Variants in ZBTB16 observed in about 807,000 individuals in gnomAD.
ZBTB16 encodes zinc finger and BTB domain-containing protein 16.
Under a neutral mutation model 56.8 loss-of-function variants are expected in ZBTB16, and 8 were observed. The ratio of observed to expected loss-of-function variants is 0.14; its 90% confidence interval spans 0.08 to 0.25. The LOEUF (loss-of-function observed/expected upper bound fraction) is 0.25, where lower values mean the gene tolerates loss of function less well. Ranked by LOEUF, ZBTB16 falls within the 10% of genes least tolerant of loss-of-function variation. ZBTB16 has a pLI of 1.00. For missense variants in ZBTB16, 625 were observed against 903.0 expected (o/e 0.69, Z 3.95); for synonymous variants, 363 against 368.5 (o/e 0.98, Z 0.17).
chr11:114,117,862 A>C (rs948855385), intron 2 of ZBTB16, among the ~76,000 whole-genome samples: 3 of 152,212 alleles, frequency 2.0e-5, no homozygotes, highest in Non-Finnish European at 4.4e-5. Context: ...AGTCCCTTGA[A>C]TAATGTAAAG....
rs775378740 is a variant in ZBTB16, at chr11:114,251,668, G to A, written c.*1113G>A. Among the ~76,000 whole-genome samples, 2 of 152,170 alleles carry A rather than the reference G, an allele frequency of 1.3e-5. No homozygotes were observed. The highest frequency in any genetic ancestry group is 2.9e-5 in the Non-Finnish European group (2 of 68,034). On this transcript the variant is annotated 3_prime_UTR_variant, in exon 7 of 7. Transcript: ENST00000335953. ...ACACTGGGGACCCCAGATGTAGTGA[G>A]CTCAGCAAGAAAAGCCAGGTCCAGA...
chr11:114,100,972 T>C (rs1013277878), intron 2 of ZBTB16, among the ~76,000 whole-genome samples: 1 of 151,636 alleles, frequency 6.6e-6, no homozygotes. Flanking sequence ...CCCCGGGGGG[T>C]TCATGGCCAG....
rs569839358 is a variant in ZBTB16 at position 114,107,675 on chromosome 11, T to A, written c.1268+43107T>A. ...GCAACATTGACTTTTTCTCAATGTG[T>A]GATGTGGAGATATATGCATCTTGGG... On this transcript the variant is annotated intron_variant, in intron 2 of 6. Transcript: ENST00000335953. Among the ~76,000 whole-genome samples the A allele has an allele frequency of 8.7e-4, 133 of 152,270 alleles. 3 individuals are homozygous for A. The South Asian group carries it at 0.023, about 27-fold the overall frequency.
chr11:114,222,387 T>C (rs573903717), intron 4 of ZBTB16, among the ~76,000 whole-genome samples: 1 of 152,254 alleles, frequency 6.6e-6, no homozygotes, highest in East Asian at 1.9e-4. Flanking sequence ...ACACTACGGC[T>C]TGTCTTTCTT....
Position 114,222,848 on chromosome 11 carries a change from G to A in ZBTB16, c.1454-19319G>A, listed in dbSNP as rs1239423801. Among the ~76,000 whole-genome samples the A allele has an allele frequency of 5.3e-5, 8 of 152,120 alleles. No homozygotes were observed. The East Asian group carries it at 5.8e-4, about 11-fold the overall frequency. On this transcript the variant is annotated intron_variant, in intron 4 of 6. Coordinates refer to ENST00000335953, the MANE Select transcript of ZBTB16 (RefSeq NM_006006.6). Reference sequence around the variant, plus strand: ...TATATATCACCGTCTGAGGAGGGACGAAAACCCACCAAGAGTGTGATTTGT... The same window carrying A: ...TATATATCACCGTCTGAGGAGGGACAAAAACCCACCAAGAGTGTGATTTGT...
chr11:114,213,796 G>T (rs1482670110), intron 4 of ZBTB16, among the ~76,000 whole-genome samples: 1 of 152,142 alleles, frequency 6.6e-6, no homozygotes, highest in African/African-American at 2.4e-5. Flanking sequence ...AGGGATTGTT[G>T]TTATCCTGGT....
chr11:114,185,937 A>T (rs906634814), intron 3 of ZBTB16, among the ~76,000 whole-genome samples: 1 of 152,218 alleles, frequency 6.6e-6, no homozygotes, highest in Non-Finnish European at 1.5e-5. Context: ...TTTATTCCAC[A>T]AATATGTATA....
chr11:114,254,623 G>A lies in ZBTB16; in HGVS notation c.*4068G>A, dbSNP rs538698937. Among the ~76,000 whole-genome samples, 15 of 152,210 alleles carry A rather than the reference G, an allele frequency of 9.9e-5. No homozygotes were observed. The South Asian group carries it at 2.1e-3, about 21-fold the overall frequency. On this transcript the variant is annotated 3_prime_UTR_variant, in exon 7 of 7. Coordinates refer to ENST00000335953, the MANE Select transcript of ZBTB16 (RefSeq NM_006006.6). ...CCGAGCTAGGGTGAAAACTGGGGGC[G>A]CACCAGGATGTGAGACAGAAAAGCA...
At chr11:114,181,980 C>T (rs1943260431) in intron 3 of ZBTB16, among the ~76,000 whole-genome samples, 1 of 152,126 alleles carries the variant, frequency 6.6e-6, no homozygotes, top group Non-Finnish European at 1.5e-5. Context: ...CAGCAAGGGC[C>T]TCCCTGACTA....
At chr11:114,137,188 G>A (rs1436169228) in intron 2 of ZBTB16, among the ~76,000 whole-genome samples, 1 of 152,182 alleles carries the variant, frequency 6.6e-6, no homozygotes, top group Non-Finnish European at 1.5e-5. Context: ...GGAGTACATT[G>A]TTCAGGAGAC....
intron 4 of ZBTB16, chr11:114,209,983 T>C (rs1211838309): frequency 3.1e-6 from 3 of 982,906 alleles, no homozygotes; most frequent in Non-Finnish European, 3.6e-6. Context: ...GGAGCAAGAC[T>C]TCAGACAAGT....
At chr11:114,212,028 C>T (rs1041048130) in intron 4 of ZBTB16, among the ~76,000 whole-genome samples, 2 of 152,136 alleles carry the variant, frequency 1.3e-5, no homozygotes, top group African/African-American at 2.4e-5. Flanking sequence ...GACTTGTCAG[C>T]GGTCTGGGGT....
intron 2 of ZBTB16, among the ~76,000 whole-genome samples, chr11:114,148,667 G>A (rs1453191610): frequency 6.6e-6 from 1 of 151,084 alleles, no homozygotes; most frequent in Non-Finnish European, 1.5e-5. Flanking sequence ...CTAATTTTTT[G>A]TATTTTTAGT....
At chr11:114,115,256 G>A (rs1941135930) in intron 2 of ZBTB16, among the ~76,000 whole-genome samples, 1 of 151,238 alleles carries the variant, frequency 6.6e-6, no homozygotes, top group Non-Finnish European at 1.5e-5. Context: ...CTCCAGCATA[G>A]TTTAAAGTGT....
chr11:114,094,509 G>T (rs1392973468), intron 2 of ZBTB16, among the ~76,000 whole-genome samples: 1 of 152,194 alleles, frequency 6.6e-6, no homozygotes, highest in Non-Finnish European at 1.5e-5. Flanking sequence ...TGTTTGGGTG[G>T]CATCCAGCTT....
intron 5 of ZBTB16, among the ~76,000 whole-genome samples, chr11:114,242,805 T>G (rs1270199787): frequency 1.3e-5 from 2 of 152,234 alleles, no homozygotes; most frequent in Non-Finnish European, 2.9e-5. Context: ...AGCTTCGGGC[T>G]TCTGAGGGCA....
chr11:114,242,387 C>A (rs1365899243), intron 5 of ZBTB16, 50 bp downstream of exon 5: 1 of 1,602,758 alleles, frequency 6.2e-7, no homozygotes, highest in Non-Finnish European at 8.5e-7. Flanking sequence ...GAGCCAGCGT[C>A]TATATTTACC....
chr11:114,183,158 G>T (rs1943288369), intron 3 of ZBTB16, among the ~76,000 whole-genome samples: 1 of 152,178 alleles, frequency 6.6e-6, no homozygotes, highest in Non-Finnish European at 1.5e-5. Context: ...CTTCGTGAGT[G>T]GGGGCTAGCA....
chr11:114,166,559 A>C (rs950637221), intron 3 of ZBTB16, among the ~76,000 whole-genome samples: 1 of 152,152 alleles, frequency 6.6e-6, no homozygotes, highest in African/African-American at 2.4e-5. Flanking sequence ...CTTTGCTGTA[A>C]TGGGCCCGCA....
Sources: gnomAD v4.1 joint callset for allele counts (sites outside exome capture counted in the v4.1 genomes callset) on GRCh38, gnomAD v4.1.1 for gene constraint, MANE v1.5 for transcripts, NCBI Gene and HGNC (gene_info 2026-07-23, HGNC 2026-07-21) for gene names.